The following PSD variants were observed in gnomAD, a reference collection of about 807,000 sequenced individuals.
The protein encoded by PSD is PH and SEC7 domain-containing protein 1.
A neutral mutation model predicts 91.6 loss-of-function variants in PSD; 32 were observed. That is an observed-to-expected ratio of 0.35 (90% confidence interval 0.26 to 0.47). PSD has a LOEUF of 0.47. Among genes scored for constraint, PSD ranks in the 20% least tolerant of loss-of-function variants. The pLI is 1.00. For synonymous variants in PSD, 532 were observed against 569.3 expected (o/e 0.93, Z 0.93); for missense variants, 1,099 against 1,373.9 (o/e 0.80, Z 3.16).
In PSD at chr10:102,409,306, C is replaced by T; in HGVS notation, c.2091+1552G>A. ...GCTTGGCTAGAGCGGGAGGGGGGCGCCGACGGGAAAGGGAGGGCGAGGGCT... is the reference window on the plus strand; with the variant it reads ...GCTTGGCTAGAGCGGGAGGGGGGCGTCGACGGGAAAGGGAGGGCGAGGGCT... On this transcript the variant is annotated intron_variant, in intron 10 of 16. Transcript: ENST00000020673. This position sits in a 1 kb window ranked among gnomAD's most constrained non-coding sequence, Gnocchi z 5.7. The T allele has an allele frequency of 1.0e-6, 1 of 985,444 alleles. No homozygotes were observed. The highest frequency in any genetic ancestry group is 1.2e-6 in the Non-Finnish European group (1 of 829,624). 61.0% of individuals were successfully genotyped at this position (985,444 alleles called of 1,614,324 possible). A position where few individuals can be genotyped will look rare whatever the true frequency, so the allele number is the denominator to read the frequency against.
intron 1 of PSD, among the ~76,000 whole-genome samples, chr10:102,418,197 A>G (rs2135463462): frequency 6.6e-6 from 1 of 152,054 alleles, no homozygotes; most frequent in South Asian, 2.1e-4. Flanking sequence ...CTGCTCAAAG[A>G]CACACCCTCA....
Position 102,417,061 on chromosome 10 carries a change from G to T in PSD, c.-23C>A, listed in dbSNP as rs961603758. 1.1e-5 allele frequency: 16 copies of T among 1,492,112 alleles called. No individual in the cohort carries two copies. The highest frequency in any genetic ancestry group is 6.0e-5 in the South Asian group (5 of 83,522). 92.4% of individuals were successfully genotyped at this position (1,492,112 alleles called of 1,614,324 possible). ...CATGCTGGGGCCGGGGGTCAGGCTGGGGGGGCAGGGATGGCGAGGCCAGGC... is the reference window on the plus strand; with the variant it reads ...CATGCTGGGGCCGGGGGTCAGGCTGTGGGGGCAGGGATGGCGAGGCCAGGC... On this transcript the variant is annotated 5_prime_UTR_variant, in exon 2 of 17. Coordinates refer to ENST00000020673, the MANE Select transcript of PSD (RefSeq NM_002779.5).
rs1465463428 is a variant in PSD, at chr10:102,405,088, A to G, written c.2398-33T>C. On this transcript the variant is annotated intron_variant, in intron 13 of 16. Coordinates refer to ENST00000020673, the MANE Select transcript of PSD (RefSeq NM_002779.5). This position sits in a 1 kb window ranked among gnomAD's most constrained non-coding sequence, Gnocchi z 5.4. ...GGTGTCCATCTTGTCCTGGCCCCAA[A>G]TGCAGCCTGGCCCAGCCCCTCCTAT... 1 of 1,612,216 alleles carries G rather than the reference A, an allele frequency of 6.2e-7. No individual in the cohort carries two copies. Among genetic ancestry groups the G allele is most frequent in the South Asian group, 1.1e-5 (1 of 90,988 alleles).
intron 8 of PSD, 136 bp downstream of exon 8, chr10:102,411,571 C>G: frequency 1.4e-6 from 1 of 702,930 alleles, no homozygotes; most frequent in Non-Finnish European, 2.6e-6. Context: ...TGCACACATG[C>G]AAGTTCACAT....
rs1159903703 is a variant in PSD at position 102,416,448 on chromosome 10, C to T, written c.591G>A (p.Gly197=). ...GTGTGGCCAGGCGCTCAGGGGGGCCCCCCAGCCCATTGGGGAGAGAGGAGT... is the reference window on the plus strand; with the variant it reads ...GTGTGGCCAGGCGCTCAGGGGGGCCTCCCAGCCCATTGGGGAGAGAGGAGT... ...GLYSSLPNGL[G]GPPERLATLF... The change falls in exon 2 of 17, where the codon GGG becomes GGA. Residue 197 remains glycine (G), a synonymous_variant. Coordinates refer to ENST00000020673, the MANE Select transcript of PSD (RefSeq NM_002779.5). This position sits in a 1 kb window ranked among gnomAD's most constrained non-coding sequence, Gnocchi z 6.0. 6.2e-7 allele frequency: 1 copy of T among 1,612,706 alleles called. No homozygotes were observed. The highest frequency in any genetic ancestry group is 1.1e-5 in the South Asian group (1 of 90,822).
In PSD at chr10:102,417,086, C is replaced by G; in HGVS notation, c.-48G>C. On this transcript the variant is annotated 5_prime_UTR_variant, in exon 2 of 17. Coordinates refer to ENST00000020673, the MANE Select transcript of PSD (RefSeq NM_002779.5). Reference sequence around the variant, plus strand: ...GGGGGGCAGGGATGGCGAGGCCAGGCGGGGAGTAAGGGGGCTGCATGCTCT... The same window carrying G: ...GGGGGGCAGGGATGGCGAGGCCAGGGGGGGAGTAAGGGGGCTGCATGCTCT... The G allele has an allele frequency of 3.1e-5, 33 of 1,068,900 alleles. No homozygotes were observed. Among genetic ancestry groups the G allele is most frequent in the Admixed American group, 5.2e-5 (2 of 38,588 alleles). The allele number at this position is 1,068,900 out of a possible 1,614,324, so 66.2% of individuals were successfully genotyped here. A position where few individuals can be genotyped will look rare whatever the true frequency, so the allele number is the denominator to read the frequency against.
At chr10:102,418,949 A>G, upstream of PSD, 1 of 326,366 alleles carries the variant, frequency 3.1e-6, no homozygotes, top group South Asian at 2.2e-5. Context: ...CCAACCTAAG[A>G]CCCGCCCCAG....
chr10:102,406,740 C>T (rs1477556235), intron 11 of PSD, among the ~76,000 whole-genome samples: 8 of 152,320 alleles, frequency 5.3e-5, no homozygotes, highest in African/African-American at 9.6e-5. Flanking sequence ...CTCCTGACCT[C>T]GTGATCTGCC....
chr10:102,405,912 G>A lies in PSD; in HGVS notation c.2136-376C>T. The A allele has an allele frequency of 4.7e-6, 1 of 214,034 alleles. No individual in the cohort carries two copies. The highest frequency in any genetic ancestry group is 9.4e-6 in the Non-Finnish European group (1 of 106,348). 13.3% of individuals were successfully genotyped at this position (214,034 alleles called of 1,614,324 possible). A position where few individuals can be genotyped will look rare whatever the true frequency, so the allele number is the denominator to read the frequency against. On this transcript the variant is annotated intron_variant, in intron 11 of 16. Transcript: ENST00000020673. The surrounding 1 kb of genome is among the most constrained non-coding windows in gnomAD (Gnocchi z 5.4). ...CCCAGGCTTTGCTCACGGTTTGTGG[G>A]CTAAATGGTAGCAGATGGAAGAAGT...
At chr10:102,412,700 C>T in intron 5 of PSD, 125 bp from the exon 6 acceptor site, 2 of 805,886 alleles carry the variant, frequency 2.5e-6, no homozygotes, top group Non-Finnish European at 3.8e-6. Context: ...GGAAAGCATT[C>T]TTCTTTTTTC....
rs528708740 is a variant in PSD at position 102,416,045 on chromosome 10, G to T, written c.729C>A (p.Phe243Leu). 5 of 1,613,690 alleles carry T rather than the reference G, an allele frequency of 3.1e-6. No individual in the cohort carries two copies. The African/African-American group carries it at 4.0e-5, about 13-fold the overall frequency. ...AGCTGGGGGGGTCCAAGGAGCCATAGAAGAATTCCCATTTGGCTCTAGCGA... is the reference window on the plus strand; with the variant it reads ...AGCTGGGGGGGTCCAAGGAGCCATATAAGAATTCCCATTTGGCTCTAGCGA... ...QRIARAKWEF[F>L]YGSLDPPSSG... is the part of the protein sequence containing the mutation. Residue 243 changes from phenylalanine to leucine, a missense_variant, in exon 3 of 17, where the codon TTC becomes TTA. Phe to Leu is a conservative substitution (Grantham distance 22). This residue lies in a region of PSD where 631 missense variants were observed against 728.8 expected (regional missense o/e 0.87). Transcript: ENST00000020673. The surrounding 1 kb of genome is among the most constrained non-coding windows in gnomAD (Gnocchi z 6.0).
At position 102,416,105 on chromosome 10, in the gene PSD, G is replaced by T. The variant is rs150352966; in HGVS notation, c.669C>A (p.Ser223=). The change falls in exon 3 of 17, where the codon TCC becomes TCA. Residue 223 remains serine (S), a synonymous_variant. Coordinates refer to ENST00000020673, the MANE Select transcript of PSD (RefSeq NM_002779.5). The surrounding 1 kb of genome is among the most constrained non-coding windows in gnomAD (Gnocchi z 6.0). The part of the protein sequence containing the change: ...TGFLNQGDTW[S]SPREVSSHAQ... ...CATGAGAGGAGACTTCCCGGGGGGA[G>T]GACCAGGTATCCCCCTGAGCCAACG... 3 of 1,612,846 alleles carry T rather than the reference G, an allele frequency of 1.9e-6. No individual in the cohort carries two copies. In the African/African-American group the frequency reaches 4.0e-5, roughly 22 times the overall value.
rs771985151 is a variant in PSD, at chr10:102,410,855, C to G, written c.2091+3G>C. 6.2e-7 allele frequency: 1 copy of G among 1,612,010 alleles called. No homozygotes were observed. The highest frequency in any genetic ancestry group is 8.5e-7 in the Non-Finnish European group (1 of 1,178,454). ...GCGACTTCTACCCTGCCCCGCCCCC[C>G]ACCTTGAGCAGCTCCCTAGGGAAGT... On this transcript the variant is annotated splice_donor_region_variant and intron_variant, in intron 10 of 16. Transcript: ENST00000020673. This position sits in a 1 kb window ranked among gnomAD's most constrained non-coding sequence, Gnocchi z 6.0.
rs1589879473 is a variant in PSD at position 102,404,125 on chromosome 10, G to C, written c.2701-140C>G. Reference sequence around the variant, plus strand: ...GCACTTTGGGAGGCCAAGGCGGGCGGATCACGAGGTCAGGAGATCGAGACC... The same window carrying C: ...GCACTTTGGGAGGCCAAGGCGGGCGCATCACGAGGTCAGGAGATCGAGACC... On this transcript the variant is annotated intron_variant, in intron 15 of 16. Coordinates refer to ENST00000020673, the MANE Select transcript of PSD (RefSeq NM_002779.5). This position sits in a 1 kb window ranked among gnomAD's most constrained non-coding sequence, Gnocchi z 5.7. 1 of 1,013,374 alleles carries C rather than the reference G, an allele frequency of 9.9e-7. No homozygotes were observed. The highest frequency in any genetic ancestry group is 3.0e-5 in the Admixed American group (1 of 33,478). 62.8% of individuals were successfully genotyped at this position (1,013,374 alleles called of 1,614,324 possible).
In PSD at chr10:102,405,023, C is replaced by T. The variant is rs1181558998; in HGVS notation, c.2430G>A (p.Glu810=). 6.2e-6 allele frequency: 10 copies of T among 1,613,936 alleles called. No individual in the cohort carries two copies. The highest frequency in any genetic ancestry group is 8.5e-6 in the Non-Finnish European group (10 of 1,179,974). ...TGCTGATGGCATTCTTGAGCTCCGT[C>T]TCTGAAAGGGCCTTCCCAGGCTTGT... ...EEYKPGKALS[E]TELKNAISIH... Residue 810 remains glutamate, a synonymous_variant, in exon 14 of 17, where the codon GAG becomes GAA. Coordinates refer to ENST00000020673, the MANE Select transcript of PSD (RefSeq NM_002779.5). This position sits in a 1 kb window ranked among gnomAD's most constrained non-coding sequence, Gnocchi z 5.4.
Position 102,403,820 on chromosome 10 carries a change from AG to A in PSD, c.2844+21del, listed in dbSNP as rs776718435. ...AGTATGGGCCTGCGTGTGTGGACAG[AG>A]GGGCAGACAGGGAGGCTCACCTCAA... On this transcript the variant is annotated intron_variant, in intron 16 of 16. Transcript: ENST00000020673. This position sits in a 1 kb window ranked among gnomAD's most constrained non-coding sequence, Gnocchi z 6.7. 6.2e-7 allele frequency: 1 copy of A among 1,606,016 alleles called. No individual in the cohort carries two copies. Among genetic ancestry groups the A allele is most frequent in the African/African-American group, 1.3e-5 (1 of 74,968 alleles).
chr10:102,412,570 G>A lies in PSD; in HGVS notation c.1559C>T (p.Pro520Leu), dbSNP rs1160386594. The change falls in exon 6 of 17, where the codon CCA (proline) becomes CTA (leucine). Residue 520 changes from proline to leucine, a missense_variant. This residue lies in a region of PSD where 631 missense variants were observed against 728.8 expected (regional missense o/e 0.87). Transcript: ENST00000020673. Reference sequence around the variant, plus strand: ...GTCGGACACCAGCTGGCTCAGGGGTGGTTCGCTGCCGGGGTAGAACACCAG... The same window carrying A: ...GTCGGACACCAGCTGGCTCAGGGGTAGTTCGCTGCCGGGGTAGAACACCAG... The part of the protein sequence containing the change: ...GLGAAPLGSE[P>L]PLSQLVSDSD... The A allele has an allele frequency of 1.2e-6, 2 of 1,610,118 alleles. No individual in the cohort carries two copies. Among genetic ancestry groups the A allele is most frequent in the South Asian group, 1.1e-5 (1 of 90,824 alleles).
Position 102,405,371 on chromosome 10 carries a change from C to A in PSD, c.2301G>T (p.Val767=), listed in dbSNP as rs146944062. The change falls in exon 12 of 17, where the codon GTG becomes GTT. Residue 767 remains valine, a synonymous_variant. Transcript: ENST00000020673. This position sits in a 1 kb window ranked among gnomAD's most constrained non-coding sequence, Gnocchi z 5.4. The part of the protein sequence containing the change: ...VYKHGALVRK[V]HADPDCRKTP... ...TCTTCCTGCAGTCAGGGTCTGCGTGCACCTTTCGCACCAGGGCCCCGTGCT... is the reference window on the plus strand; with the variant it reads ...TCTTCCTGCAGTCAGGGTCTGCGTGAACCTTTCGCACCAGGGCCCCGTGCT... 6 of 1,612,974 alleles carry A rather than the reference C, an allele frequency of 3.7e-6. No individual in the cohort carries two copies. The African/African-American group carries it at 5.3e-5, about 14-fold the overall frequency.
chr10:102,403,964 C>G lies in PSD; in HGVS notation c.2722G>C (p.Glu908Gln). Reference sequence around the variant, plus strand: ...CTTGCCATGGCCTTCAGCTTGGCCTCGTGGGTCCGCACCTGCTCCTCCTAG... The same window carrying G: ...CTTGCCATGGCCTTCAGCTTGGCCTGGTGGGTCCGCACCTGCTCCTCCTAG... ...LSQEEQVRTH[E>Q]AKLKAMASEL... Residue 908 changes from glutamate to glutamine, a missense_variant, in exon 16 of 17, where the codon GAG (glutamate) becomes CAG (glutamine). Glu to Gln is a conservative substitution (Grantham distance 29). Around this residue, in one of 3 missense-constraint regions of PSD, gnomAD observed 358 missense variants for 426.5 expected, o/e 0.84. Coordinates refer to ENST00000020673, the MANE Select transcript of PSD (RefSeq NM_002779.5). This position sits in a 1 kb window ranked among gnomAD's most constrained non-coding sequence, Gnocchi z 6.7. The G allele has an allele frequency of 6.4e-7, 1 of 1,564,656 alleles. No individual in the cohort carries two copies. The highest frequency in any genetic ancestry group is 1.2e-5 in the South Asian group (1 of 85,892).
Sources: gnomAD v4.1 joint callset for allele counts (sites outside exome capture counted in the v4.1 genomes callset) on GRCh38, gnomAD v4.1.1 for gene constraint, gnomAD v4.1.1 regional missense constraint, Gnocchi (gnomAD v3.1) non-coding constraint, MANE v1.5 for transcripts, NCBI Gene and HGNC (gene_info 2026-07-23, HGNC 2026-07-21) for gene names.